Variants in TEX9 observed in about 807,000 individuals in gnomAD.
TEX9 encodes the protein testis expressed 9.
Under a neutral mutation model 59.6 loss-of-function variants are expected in TEX9, and 74 were observed. The observed-to-expected ratio is 1.24, with a 90% CI of 1.03 to 1.51. The LOEUF (loss-of-function observed/expected upper bound fraction) is 1.51. Among genes scored for constraint, TEX9 ranks in the 40% most tolerant of loss-of-function variants. The pLI is 0.00. For missense variants in TEX9, 522 were observed against 447.8 expected, an observed-to-expected ratio of 1.17 and a Z score of -1.49; for synonymous variants, 186 against 152.2, an observed-to-expected ratio of 1.22 and a Z score of -1.64.
In TEX9 at chr15:56,371,716, T is replaced by A. The variant is rs77492681; in HGVS notation, c.120-1725T>A. On this transcript the variant is annotated intron_variant, in intron 2 of 12. Coordinates refer to ENST00000352903, the Ensembl canonical transcript of TEX9. Reference sequence around the variant, plus strand: ...ATTTACCTTTACTAGTTTCGAGTTTTGATTGATTCCACGTCAGCTTTCTTC... The same window carrying A: ...ATTTACCTTTACTAGTTTCGAGTTTAGATTGATTCCACGTCAGCTTTCTTC... Among the ~76,000 whole-genome samples the A allele has an allele frequency of 3.2e-3, 490 of 152,332 alleles. 1 individual carries two copies. The highest frequency in any genetic ancestry group is 0.011 in the African/African-American group (472 of 41,578).
chr15:56,250,577 A>G (rs1424177919), intron 1 of TEX9, among the ~76,000 whole-genome samples: 1 of 152,232 alleles, frequency 6.6e-6, no homozygotes, highest in Non-Finnish European at 1.5e-5. Context: ...TACTGTGTAC[A>G]AAGCGAGGTT....
chr15:56,369,582 T>C (rs1443658303), intron 2 of TEX9, among the ~76,000 whole-genome samples: 1 of 151,982 alleles, frequency 6.6e-6, no homozygotes, highest in African/African-American at 2.4e-5. Context: ...TGATCCACCT[T>C]CCTCGGCTTC....
intron 10 of TEX9, among the ~76,000 whole-genome samples, chr15:56,420,377 G>A (rs182687070): frequency 6.6e-6 from 1 of 150,954 alleles, no homozygotes; most frequent in Non-Finnish European, 1.5e-5. Flanking sequence ...GCGCAAACTT[G>A]GCTCACTGCA....
rs368759717 is a variant in TEX9, at chr15:56,372,527, A to G, written c.120-914A>G. On this transcript the variant is annotated intron_variant, in intron 2 of 12. Transcript: ENST00000352903. ...ATATTTATTATGGTGTTAACCTTTA[A>G]AAGTGAAAAGGGGACTTAACAATAG... Among the ~76,000 whole-genome samples, 119 of 152,352 alleles carry G rather than the reference A, an allele frequency of 7.8e-4. 2 individuals carry two copies. Among genetic ancestry groups the G allele is most frequent in the African/African-American group, 2.7e-3 (114 of 41,582 alleles).
intron 1 of TEX9, among the ~76,000 whole-genome samples, chr15:56,295,428 GCTGGT>G (rs1368251299): frequency 2.0e-5 from 3 of 152,212 alleles, no homozygotes; most frequent in African/African-American, 7.2e-5. Flanking sequence ...TACCAGCTAA[GCTGGT>G]GTCCAAGTAG....
At chr15:56,291,626 A>T (rs1410628929) in intron 1 of TEX9, among the ~76,000 whole-genome samples, 3 of 152,216 alleles carry the variant, frequency 2.0e-5, no homozygotes, top group Non-Finnish European at 2.9e-5. Context: ...CAAGATGTCC[A>T]GCAGATCTCT....
chr15:56,307,526 C>A (rs1253530346), intron 1 of TEX9, among the ~76,000 whole-genome samples: 7 of 152,182 alleles, frequency 4.6e-5, no homozygotes, highest in African/African-American at 9.6e-5. Context: ...TAAAACCAAC[C>A]TACATTTATT....
chr15:56,428,919 T>C, intron 12 of TEX9: 1 of 535,930 alleles, frequency 1.9e-6, no homozygotes, highest in Non-Finnish European at 3.2e-6. Flanking sequence ...AGTACAAAAA[T>C]AACAGCTTGA....
At chr15:56,264,560 A>G (rs946551682) in intron 1 of TEX9, among the ~76,000 whole-genome samples, 2 of 152,166 alleles carry the variant, frequency 1.3e-5, no homozygotes, top group African/African-American at 4.8e-5. Context: ...TGGTCTTTTG[A>G]AGAGCTGAAG....
intron 1 of TEX9, among the ~76,000 whole-genome samples, chr15:56,348,178 T>C (rs2046508727): frequency 6.6e-6 from 1 of 152,122 alleles, no homozygotes; most frequent in Non-Finnish European, 1.5e-5. Flanking sequence ...TACAACTCAA[T>C]GTGAATATAA....
At chr15:56,455,579 A>G in the TEX9 span, among the ~76,000 whole-genome samples, 3 of 152,204 alleles carry the variant, frequency 2.0e-5, no homozygotes, top group South Asian at 4.1e-4. Flanking sequence ...ATTCAATTAC[A>G]TAAGTATATG....
chr15:56,308,146 C>A lies in TEX9; in HGVS notation c.-107+63868C>A, dbSNP rs1011028789. 8.5e-5 allele frequency among the ~76,000 whole-genome samples: 13 copies of A among 152,268 alleles called. 1 individual carries two copies. Among genetic ancestry groups the A allele is most frequent in the Admixed American group, 6.5e-4 (10 of 15,292 alleles). On this transcript the variant is annotated intron_variant, in intron 1 of 5. Transcript: ENST00000560827. ...ACCACATTTAACTTTTGAGGAACTG[C>A]CAAACTGTTTTCCAAAGCAGCTGCA...
the TEX9 span, among the ~76,000 whole-genome samples, chr15:56,451,534 G>A: frequency 2.6e-5 from 4 of 152,198 alleles, no homozygotes; most frequent in Middle Eastern, 0.01. Flanking sequence ...ACAGGAGCTG[G>A]GAGCTGCCTA....
intron 11 of TEX9, 86 bp from the exon 12 acceptor site, chr15:56,428,281 T>G: frequency 1.1e-6 from 1 of 901,206 alleles, no homozygotes; most frequent in Admixed American, 1.8e-5. Flanking sequence ...TGACAATATA[T>G]TATCCACACA....
At chr15:56,368,794 T>C (rs189754180) in intron 2 of TEX9, among the ~76,000 whole-genome samples, 3 of 152,230 alleles carry the variant, frequency 2.0e-5, no homozygotes, top group Admixed American at 2.0e-4. Context: ...ATTTTTGTCT[T>C]TTTCTTTTTC....
chr15:56,341,598 G>A (rs1415783860), intron 1 of TEX9, among the ~76,000 whole-genome samples: 2 of 151,840 alleles, frequency 1.3e-5, no homozygotes, highest in African/African-American at 4.8e-5. Flanking sequence ...TGTACTTCAG[G>A]GGAAACCCTA....
chr15:56,428,858 G>T (rs151291258), intron 12 of TEX9: 3 of 432,690 alleles, frequency 6.9e-6, no homozygotes, highest in Non-Finnish European at 1.2e-5. Context: ...TTGAGGATGG[G>T]GATGCAAACA....
At chr15:56,318,706 G>A (rs559013873) in intron 1 of TEX9, among the ~76,000 whole-genome samples, 2 of 151,780 alleles carry the variant, frequency 1.3e-5, no homozygotes, top group African/African-American at 4.8e-5. Context: ...ATACTCAGTG[G>A]TTTTCTTGGA....
chr15:56,420,890 A>C (rs1420729785), intron 10 of TEX9, among the ~76,000 whole-genome samples: 1 of 151,844 alleles, frequency 6.6e-6, no homozygotes, highest in Non-Finnish European at 1.5e-5. Context: ...TTTTAATTCC[A>C]TTGTGGACAG....
Sources: gnomAD v4.1 joint callset for allele counts (sites outside exome capture counted in the v4.1 genomes callset) on GRCh38, gnomAD v4.1.1 for gene constraint, MANE v1.5 for transcripts, NCBI Gene and HGNC (gene_info 2026-07-23, HGNC 2026-07-21) for gene names.